ZNF419: variants seen among roughly 807,000 people sequenced by gnomAD.
The protein encoded by ZNF419 is zinc finger protein 419.
In ZNF419, 8 loss-of-function variants were observed where a neutral mutation model predicts 14.9. The observed-to-expected ratio is 0.54, with a 90% CI of 0.32 to 0.97. The LOEUF (loss-of-function observed/expected upper bound fraction) is 0.97. Among genes scored for constraint, ZNF419 ranks in the 50% least tolerant of loss-of-function variants. The pLI, the probability that ZNF419 is intolerant of heterozygous loss-of-function variation, is 0.04. For missense variants in ZNF419, 595 were observed against 607.2 expected, an observed-to-expected ratio of 0.98 and a Z score of 0.21; for synonymous variants, 211 against 205.3, an observed-to-expected ratio of 1.03 and a Z score of -0.24.
rs202202422 is a variant in ZNF419, at chr19:57,493,738, C to T, written c.1181C>T (p.Thr394Ile). Residue 394 changes from threonine (T) to isoleucine (I), a missense_variant, in exon 5 of 5, where the codon ACT becomes ATT. Coordinates refer to ENST00000221735, the MANE Select transcript of ZNF419 (RefSeq NM_024691.4). ...CTCATGCAACATCAAAAAGTTCACA[C>T]TGGAGAAAAGCCTTTTAAGTGCAAT... is the stretch of plus-strand genomic sequence containing the variant. ...SSLMQHQKVHTGEKPFKCNEC... is the reference protein window; with the variant it reads ...SSLMQHQKVHIGEKPFKCNEC... 9.1e-5 allele frequency: 147 copies of T among 1,613,878 alleles called. No homozygotes were observed. Among genetic ancestry groups the T allele is most frequent in the Non-Finnish European group, 1.2e-4 (142 of 1,179,964 alleles).
chr19:57,494,128 C>T lies in ZNF419; in HGVS notation c.*38C>T. ...CTTTAGCCAGCGTTTCAACCTCATTCAACACCAGAAAGTTCACAGTGGAAA... is the reference window on the plus strand; with the variant it reads ...CTTTAGCCAGCGTTTCAACCTCATTTAACACCAGAAAGTTCACAGTGGAAA... On this transcript the variant is annotated 3_prime_UTR_variant, in exon 5 of 5. Transcript: ENST00000221735. 1 of 1,547,146 alleles carries T rather than the reference C, an allele frequency of 6.5e-7. No individual in the cohort carries two copies. The highest frequency in any genetic ancestry group is 8.7e-7 in the Non-Finnish European group (1 of 1,152,414).
intron 2 of ZNF419, chr19:57,490,521 T>C (rs2089458247): frequency 5.7e-6 from 1 of 175,946 alleles, no homozygotes; most frequent in African/African-American, 2.4e-5. Flanking sequence ...CACCAGCTAA[T>C]TTTGGATTTT....
rs1465640443 is a variant in ZNF419, at chr19:57,495,837, A to C, written c.*1747A>C. 1.3e-5 allele frequency: 2 copies of C among 149,184 alleles called. No homozygotes were observed. Among genetic ancestry groups the C allele is most frequent in the Admixed American group, 6.8e-5 (1 of 14,786 alleles). 9.2% of individuals were successfully genotyped at this position (149,184 alleles called of 1,614,324 possible). A position where few individuals can be genotyped will look rare whatever the true frequency, so the allele number is the denominator to read the frequency against. On this transcript the variant is annotated 3_prime_UTR_variant, in exon 5 of 5. Transcript: ENST00000221735. ...AATATCCAACTTCTGAAATATTTGTAGGTTTAACTACAAATAAATAATTCA... is the reference window on the plus strand; with the variant it reads ...AATATCCAACTTCTGAAATATTTGTCGGTTTAACTACAAATAAATAATTCA...
chr19:57,490,193 G>A lies in ZNF419; in HGVS notation c.72+8G>A, dbSNP rs775368703. On this transcript the variant is annotated splice_region_variant and intron_variant, in intron 2 of 4. Coordinates refer to ENST00000221735, the MANE Select transcript of ZNF419 (RefSeq NM_024691.4). ...CTTACAGACCATGAGGAGGTAAGTGGAGGATGTCTCAGGTCCTCACACTCC... is the reference window on the plus strand; with the variant it reads ...CTTACAGACCATGAGGAGGTAAGTGAAGGATGTCTCAGGTCCTCACACTCC... 5 of 1,613,276 alleles carry A rather than the reference G, an allele frequency of 3.1e-6. No individual in the cohort carries two copies. In the South Asian group the frequency reaches 5.5e-5, roughly 18 times the overall value.
intron 1 of ZNF419, 73 bp from the exon 2 acceptor site, chr19:57,490,074 G>T: frequency 6.9e-7 from 1 of 1,450,718 alleles, no homozygotes. Context: ...CCTGACTCCA[G>T]GCTAGACGAG....
At position 57,493,851 on chromosome 19, in the gene ZNF419, T is replaced by C. The variant is rs755950735; in HGVS notation, c.1294T>C (p.Cys432Arg). The stretch of plus-strand genomic sequence containing the variant: ...AGCAAAGCCTTATGAGTGCAGGGAA[T>C]GTGGGAAATTTTTTAGCCAAAGCTC... ...TGAKPYECRECGKFFSQSSTL... is the reference protein window; with the variant it reads ...TGAKPYECRERGKFFSQSSTL... The change falls in exon 5 of 5, where the codon TGT (cysteine) becomes CGT (arginine). Residue 432 changes from cysteine (C) to arginine (R), a missense_variant. Physicochemically the swap from Cys to Arg is radical, Grantham distance 180 (BLOSUM62 -3). Transcript: ENST00000221735. 2 of 1,613,974 alleles carry C rather than the reference T, an allele frequency of 1.2e-6. No individual in the cohort carries two copies. Among genetic ancestry groups the C allele is most frequent in the Admixed American group, 3.3e-5 (2 of 59,994 alleles).
At position 57,488,332 on chromosome 19, in the gene ZNF419, G is replaced by A. The variant is rs190143599; in HGVS notation, c.33+349G>A. On this transcript the variant is annotated intron_variant, in intron 1 of 4. Transcript: ENST00000221735. Reference sequence around the variant, plus strand: ...TGACAAGATCTGTTTCTCAAAGTTTGCCAAAGGCCCTTCAAGTCAAAACAG... The same window carrying A: ...TGACAAGATCTGTTTCTCAAAGTTTACCAAAGGCCCTTCAAGTCAAAACAG... 1,964 of 387,976 alleles carry A rather than the reference G, an allele frequency of 5.1e-3. 40 individuals are homozygous for A. Among genetic ancestry groups the A allele is most frequent in the African/African-American group, 0.036 (1,737 of 48,090 alleles). 24.0% of individuals were successfully genotyped at this position (387,976 alleles called of 1,614,324 possible).
chr19:57,491,805 G>T, intron 3 of ZNF419: 1 of 788,184 alleles, frequency 1.3e-6, no homozygotes, highest in Non-Finnish European at 2.1e-6. Flanking sequence ...GAAAGGGTTT[G>T]GGGGTCAGGA....
intron 1 of ZNF419, chr19:57,489,167 C>T (rs1319283100): frequency 6.6e-6 from 1 of 152,200 alleles, no homozygotes; most frequent in Non-Finnish European, 1.5e-5. Context: ...GGATGGTCTT[C>T]AGGGGAGTAT....
At chr19:57,491,316 A>G in intron 2 of ZNF419, 155 bp from the exon 3 acceptor site, 1 of 1,138,486 alleles carries the variant, frequency 8.8e-7, no homozygotes, top group South Asian at 1.5e-5. Context: ...CAGTGGGAGC[A>G]TGAGGAGAGA....
At chr19:57,488,573 T>A (rs1019971117) in intron 1 of ZNF419, 1 of 152,404 alleles carries the variant, frequency 6.6e-6, no homozygotes, top group Non-Finnish European at 1.5e-5. Flanking sequence ...GTATTTTTGT[T>A]TGTTTGTTCC....
rs1373020613 is a variant in ZNF419 at position 57,495,019 on chromosome 19, A to G, written c.*929A>G. 1 of 152,410 alleles carries G rather than the reference A, an allele frequency of 6.6e-6. No homozygotes were observed. The highest frequency in any genetic ancestry group is 1.9e-4 in the East Asian group (1 of 5,206). 9.4% of individuals were successfully genotyped at this position (152,410 alleles called of 1,614,324 possible). On this transcript the variant is annotated 3_prime_UTR_variant, in exon 5 of 5. Coordinates refer to ENST00000221735, the MANE Select transcript of ZNF419 (RefSeq NM_024691.4). ...TTTTTAATGTGTTTACTTGTCACCC[A>G]TATATCTTCTTTAGTCAAATGTATT...
At position 57,487,842 on chromosome 19, in the gene ZNF419, G is replaced by A; in HGVS notation, c.-109G>A. 12 of 1,534,572 alleles carry A rather than the reference G, an allele frequency of 7.8e-6. No individual in the cohort carries two copies. The highest frequency in any genetic ancestry group is 1.1e-5 in the Non-Finnish European group (12 of 1,110,962). On this transcript the variant is annotated 5_prime_UTR_variant, in exon 1 of 5. Coordinates refer to ENST00000221735, the MANE Select transcript of ZNF419 (RefSeq NM_024691.4). ...GCCGGAAGGCACGGTGGCGACTCACGCTGTTCTCGCCGCTCAGAGGCGGGT... is the reference window on the plus strand; with the variant it reads ...GCCGGAAGGCACGGTGGCGACTCACACTGTTCTCGCCGCTCAGAGGCGGGT...
intron 1 of ZNF419, chr19:57,489,484 C>CTTTTTTTTTTTTTT (rs10602834): frequency 1.2e-5 from 1 of 85,428 alleles, no homozygotes; most frequent in Non-Finnish European, 2.3e-5. Flanking sequence ...TTCTTTCTTT[C>CTTTTTTTTTTTTTT]TTTTTTTTTT....
chr19:57,488,132 G>C, intron 1 of ZNF419, 149 bp downstream of exon 1: 1 of 1,246,242 alleles, frequency 8.0e-7, no homozygotes, highest in Non-Finnish European at 1.1e-6. Flanking sequence ...GGAGGGCAAG[G>C]GGCCCGGCTC....
chr19:57,490,329 G>A, intron 2 of ZNF419, 144 bp downstream of exon 2: 1 of 668,760 alleles, frequency 1.5e-6, no homozygotes, highest in South Asian at 1.8e-5. Flanking sequence ...ACACAGTCAG[G>A]GCCCTGAGTC....
At chr19:57,490,225 C>T (rs1191721157) in intron 2 of ZNF419, 40 bp downstream of exon 2, 3 of 1,595,878 alleles carry the variant, frequency 1.9e-6, no homozygotes, top group Non-Finnish European at 2.6e-6. Context: ...CTCCTGCACT[C>T]CTACCTACAT....
chr19:57,488,986 T>A (rs1403358029), intron 1 of ZNF419: 1 of 152,220 alleles, frequency 6.6e-6, no homozygotes, highest in African/African-American at 2.4e-5. Flanking sequence ...ACTGCAGTGT[T>A]GAGTAGTATA....
Position 57,487,853 on chromosome 19 carries a change from C to G in ZNF419, c.-98C>G, listed in dbSNP as rs979894932. The G allele has an allele frequency of 6.3e-7, 1 of 1,574,940 alleles. No individual in the cohort carries two copies. Among genetic ancestry groups the G allele is most frequent in the South Asian group, 1.1e-5 (1 of 90,038 alleles). The stretch of plus-strand genomic sequence containing the variant: ...CGGTGGCGACTCACGCTGTTCTCGC[C>G]GCTCAGAGGCGGGTCTGAGGCTCGG... On this transcript the variant is annotated 5_prime_UTR_variant, in exon 1 of 5. Transcript: ENST00000221735.
Sources: gnomAD v4.1 joint callset for allele counts on GRCh38, gnomAD v4.1.1 for gene constraint, MANE v1.5 for transcripts, NCBI Gene and HGNC (gene_info 2026-07-23, HGNC 2026-07-21) for gene names.